The following PRKN variants were observed in gnomAD, a reference collection of about 807,000 sequenced individuals.
PRKN encodes parkin RBR E3 ubiquitin protein ligase, also known as E3 ubiquitin-protein ligase parkin.
A neutral mutation model predicts 59.5 loss-of-function variants in PRKN; 56 were observed. The observed-to-expected ratio is 0.94, with a 90% CI of 0.76 to 1.18. PRKN has a LOEUF of 1.18. Ranked by LOEUF, PRKN falls within the 50% of genes most tolerant of loss-of-function variation. The pLI is 0.00. For synonymous variants in PRKN, 250 were observed against 222.1 expected, an observed-to-expected ratio of 1.13 and a Z score of -1.12; for missense variants, 657 against 596.4, an observed-to-expected ratio of 1.10 and a Z score of -1.06.
intron 5 of PRKN, among the ~76,000 whole-genome samples, chr6:162,030,173 C>A (rs1783584094): frequency 6.6e-6 from 1 of 152,106 alleles, no homozygotes; most frequent in Admixed American, 6.6e-5. Context: ...TTTCTCAGAA[C>A]CCCCCAAATT....
chr6:161,385,033 G>A lies in PRKN; in HGVS notation c.1167+1761C>T, dbSNP rs965984181. Among the ~76,000 whole-genome samples the A allele has an allele frequency of 6.6e-6, 1 of 152,036 alleles. No homozygotes were observed. Among genetic ancestry groups the A allele is most frequent in the East Asian group, 1.9e-4 (1 of 5,172 alleles). ...CAACCTCCACCTCCCGGGTTCAAGCGATTCTCCTGCCTCAGCCTCCTGAAT... is the reference window on the plus strand; with the variant it reads ...CAACCTCCACCTCCCGGGTTCAAGCAATTCTCCTGCCTCAGCCTCCTGAAT... On this transcript the variant is annotated intron_variant, in intron 10 of 11. Transcript: ENST00000366898. The surrounding 1 kb of genome is among the most constrained non-coding windows in gnomAD (Gnocchi z 4.9).
chr6:161,548,887 G>A lies in PRKN; in HGVS notation c.1050C>T (p.Val350=), dbSNP rs1345849782. The part of the protein sequence containing the change: ...GLLPEPDQRK[V]TCEGGNGLGC... The stretch of plus-strand genomic sequence containing the variant: ...CCAGGCCATTGCCCCCTTCGCAGGT[G>A]ACTTTCCTCTGGTCAGGCTCCGGCA... Residue 350 remains valine (V), a synonymous_variant, in exon 9 of 12, where the codon GTC becomes GTT. Transcript: ENST00000366898. This position sits in a 1 kb window ranked among gnomAD's most constrained non-coding sequence, Gnocchi z 4.2. 1 of 1,614,180 alleles carries A rather than the reference G, an allele frequency of 6.2e-7. No individual in the cohort carries two copies. Among genetic ancestry groups the A allele is most frequent in the East Asian group, 2.2e-5 (1 of 44,878 alleles).
chr6:161,582,281 T>G lies in PRKN; in HGVS notation c.872-12865A>C, dbSNP rs1433985782. ...CATTCCTATATGAGAACACCAACTC[T>G]TGTTAAAACATTGAGATTACCTTGA... On this transcript the variant is annotated intron_variant, in intron 7 of 11. Coordinates refer to ENST00000366898, the MANE Select transcript of PRKN (RefSeq NM_004562.3). The surrounding 1 kb of genome is among the most constrained non-coding windows in gnomAD (Gnocchi z 4.4). Among the ~76,000 whole-genome samples the G allele has an allele frequency of 3.9e-5, 6 of 152,300 alleles. No individual in the cohort carries two copies. The highest frequency in any genetic ancestry group is 1.4e-4 in the African/African-American group (6 of 41,574).
chr6:161,449,446 G>A (rs1044847584), intron 9 of PRKN, among the ~76,000 whole-genome samples: 2 of 152,108 alleles, frequency 1.3e-5, no homozygotes, highest in African/African-American at 4.8e-5. Context: ...AGGGAAAGGC[G>A]ATTTTATTCA....
chr6:161,450,657 A>C (rs1223734074), intron 9 of PRKN, among the ~76,000 whole-genome samples: 1 of 152,106 alleles, frequency 6.6e-6, no homozygotes, highest in Non-Finnish European at 1.5e-5. Context: ...CCCAGGTTCA[A>C]GTGATTCTCC....
At chr6:161,436,454 CT>C (rs1255396947) in intron 9 of PRKN, among the ~76,000 whole-genome samples, 1 of 71,356 alleles carries the variant, frequency 1.4e-5, no homozygotes. Flanking sequence ...AAACTCAAGA[CT>C]TTTTTGGGGG....
chr6:162,297,174 C>CT (rs10681721), intron 2 of PRKN, among the ~76,000 whole-genome samples: 25,333 of 139,222 alleles, frequency 0.18, 2,560 homozygotes, highest in Admixed American at 0.25. Flanking sequence ...TTTTTCTTTT[C>CT]TTTTTTTTTT....
intron 7 of PRKN, among the ~76,000 whole-genome samples, chr6:161,694,195 C>T (rs1315196248): frequency 6.6e-6 from 1 of 152,062 alleles, no homozygotes; most frequent in East Asian, 1.9e-4. Flanking sequence ...TTTCTTCCAT[C>T]CATAGTTTAC....
At position 161,593,658 on chromosome 6, in the gene PRKN, G is replaced by A. The variant is rs894248677; in HGVS notation, c.872-24242C>T. ...CCACTTTTATCCTGAGGAACCGGCT[G>A]GACAGTGGTGCCTTCTACTGAGAGT... On this transcript the variant is annotated intron_variant, in intron 7 of 11. Coordinates refer to ENST00000366898, the MANE Select transcript of PRKN (RefSeq NM_004562.3). This position sits in a 1 kb window ranked among gnomAD's most constrained non-coding sequence, Gnocchi z 4.8. Among the ~76,000 whole-genome samples the A allele has an allele frequency of 6.6e-6, 1 of 152,184 alleles. No individual in the cohort carries two copies. The highest frequency in any genetic ancestry group is 1.5e-5 in the Non-Finnish European group (1 of 68,032).
chr6:162,066,521 C>T (rs1455968487), intron 4 of PRKN, among the ~76,000 whole-genome samples: 1 of 152,254 alleles, frequency 6.6e-6, no homozygotes, highest in Non-Finnish European at 1.5e-5. Flanking sequence ...GTTTAAGTCA[C>T]AAGGGCTCCA....
At chr6:162,116,773 G>A (rs1780693683) in intron 4 of PRKN, among the ~76,000 whole-genome samples, 1 of 152,212 alleles carries the variant, frequency 6.6e-6, no homozygotes, top group Non-Finnish European at 1.5e-5. Context: ...GCACAGGCGT[G>A]AAAGTCATTT....
Position 162,414,726 on chromosome 6 carries a change from A to AAAAAAAAAAAAAAAT in PRKN, c.171+28583_171+28584insATTTTTTTTTTTTTT, listed in dbSNP as rs34838356. On this transcript the variant is annotated intron_variant, in intron 2 of 11. Transcript: ENST00000366898. ...ACTCCGTCTCAAAAAAAAAAAAAAA[A>AAAAAAAAAAAAAAAT]AGTGAATCTTTGAAGTTTTAAAATA... is the stretch of plus-strand genomic sequence containing the variant. Among the ~76,000 whole-genome samples the AAAAAAAAAAAAAAAT allele has an allele frequency of 7.7e-4, 71 of 91,854 alleles. 10 individuals are homozygous for AAAAAAAAAAAAAAAT. Among genetic ancestry groups the AAAAAAAAAAAAAAAT allele is most frequent in the Middle Eastern group, 6.0e-3 (1 of 166 alleles). The allele number at this position is 91,854 out of a possible 152,430, so 60.3% of individuals were successfully genotyped here.
At position 162,124,555 on chromosome 6, in the gene PRKN, C is replaced by T. The variant is rs531740510; in HGVS notation, c.535-70381G>A. Among the ~76,000 whole-genome samples, 7 of 152,172 alleles carry T rather than the reference C, an allele frequency of 4.6e-5. No homozygotes were observed. In the South Asian group the frequency reaches 6.2e-4, roughly 14 times the overall value. ...GAAAAGGGAGAAAATCAAAGATAACCGCAGGCTCTGTGGCTGGGTGAATGG... is the reference window on the plus strand; with the variant it reads ...GAAAAGGGAGAAAATCAAAGATAACTGCAGGCTCTGTGGCTGGGTGAATGG... On this transcript the variant is annotated intron_variant, in intron 4 of 11. Transcript: ENST00000366898.
intron 2 of PRKN, among the ~76,000 whole-genome samples, chr6:162,378,379 A>G (rs1786237366): frequency 6.6e-6 from 1 of 152,250 alleles, no homozygotes; most frequent in South Asian, 2.1e-4. Flanking sequence ...AGAAAACTGG[A>G]TTCCACTTAG....
At chr6:162,174,180 C>T (rs192182475) in intron 4 of PRKN, among the ~76,000 whole-genome samples, 109 of 152,310 alleles carry the variant, frequency 7.2e-4, no homozygotes, top group African/African-American at 2.5e-3. Flanking sequence ...TTTTAAAATA[C>T]ACTTGAGAAA....
intron 7 of PRKN, among the ~76,000 whole-genome samples, chr6:161,696,848 C>A (rs932643863): frequency 1.3e-5 from 2 of 152,194 alleles, no homozygotes; most frequent in Non-Finnish European, 2.9e-5. Context: ...CATGCTCAGT[C>A]AGCCTCAGTA....
At chr6:162,343,445 C>T (rs1414633084) in intron 2 of PRKN, among the ~76,000 whole-genome samples, 1 of 152,186 alleles carries the variant, frequency 6.6e-6, no homozygotes, top group African/African-American at 2.4e-5. Flanking sequence ...TTACCCTCCC[C>T]TAGGAACAGC....
intron 2 of PRKN, among the ~76,000 whole-genome samples, chr6:162,274,666 TA>T (rs1242333321): frequency 2.6e-5 from 4 of 152,216 alleles, no homozygotes; most frequent in Non-Finnish European, 5.9e-5. Flanking sequence ...TTCCTGTTTT[TA>T]CAATTAAATT....
At chr6:162,376,915 CGAG>C (rs1230246533) in intron 2 of PRKN, among the ~76,000 whole-genome samples, 1 of 150,084 alleles carries the variant, frequency 6.7e-6, no homozygotes, top group Non-Finnish European at 1.5e-5. Context: ...GAAGAGACCA[CGAG>C]GAGAGAGGAG....
Sources: gnomAD v4.1 joint callset for allele counts (sites outside exome capture counted in the v4.1 genomes callset) on GRCh38, gnomAD v4.1.1 for gene constraint, Gnocchi (gnomAD v3.1) non-coding constraint, MANE v1.5 for transcripts, NCBI Gene and HGNC (gene_info 2026-07-23, HGNC 2026-07-21) for gene names.